HIVEP3: variants seen among roughly 807,000 people sequenced by gnomAD.
The protein encoded by HIVEP3 is HIVEP zinc finger 3.
Under a neutral mutation model 152.8 loss-of-function variants are expected in HIVEP3, and 49 were observed. That is an observed-to-expected ratio of 0.32 (90% CI 0.26 to 0.41). The LOEUF is 0.41. HIVEP3 is among the 10% of genes least tolerant of loss of function. The pLI is 1.00. For missense variants in HIVEP3, 2,790 were observed against 3,103.3 expected, an observed-to-expected ratio of 0.90 and a Z score of 2.40; for synonymous variants, 1,269 against 1,289.0, an observed-to-expected ratio of 0.98 and a Z score of 0.33.
At chr1:41,762,547 T>C (rs987052835) in intron 1 of HIVEP3, among the ~76,000 whole-genome samples, 1 of 152,136 alleles carries the variant, frequency 6.6e-6, no homozygotes, top group Non-Finnish European at 1.5e-5. Flanking sequence ...CCCGTTTGGG[T>C]GCCACCGCAT....
chr1:41,702,931 T>C lies in HIVEP3; in HGVS notation c.-800-1936A>G, dbSNP rs576883111. Among the ~76,000 whole-genome samples, 3 of 152,212 alleles carry C rather than the reference T, an allele frequency of 2.0e-5. No individual in the cohort carries two copies. In the South Asian group the frequency reaches 6.2e-4, roughly 32 times the overall value. Reference sequence around the variant, plus strand: ...CAGGCTGCAGGACTGCTAGGACCATTCATTCATTCATTCGTTTATTCATCA... The same window carrying C: ...CAGGCTGCAGGACTGCTAGGACCATCCATTCATTCATTCGTTTATTCATCA... On this transcript the variant is annotated intron_variant, in intron 1 of 8. Transcript: ENST00000372583.
At chr1:41,919,620 T>G (rs772523854), upstream of HIVEP3, among the ~76,000 whole-genome samples, 1 of 152,192 alleles carries the variant, frequency 6.6e-6, no homozygotes, top group East Asian at 1.9e-4. Flanking sequence ...CAAGATTTTG[T>G]TATTGAGTTC....
At chr1:41,550,671 CTGTT>C (rs1163797581) in intron 5 of HIVEP3, among the ~76,000 whole-genome samples, 1 of 152,114 alleles carries the variant, frequency 6.6e-6, no homozygotes, top group African/African-American at 2.4e-5. Context: ...ATTTGGCTCT[CTGTT>C]TGTCTGTTAT....
intron 1 of HIVEP3, among the ~76,000 whole-genome samples, chr1:41,991,614 T>C (rs1176580657): frequency 1.1e-4 from 16 of 150,582 alleles, no homozygotes; most frequent in Admixed American, 7.9e-4. Flanking sequence ...TTCCAATCAA[T>C]AGAAAAAGAG....
At chr1:41,926,548 G>A (rs1190048961) in intron 1 of HIVEP3, among the ~76,000 whole-genome samples, 10 of 152,124 alleles carry the variant, frequency 6.6e-5, no homozygotes, top group African/African-American at 1.7e-4. Context: ...TCAGTTTGTA[G>A]GGGAAGGAAA....
chr1:41,954,909 C>T (rs752892395), intron 1 of HIVEP3, among the ~76,000 whole-genome samples: 3 of 151,556 alleles, frequency 2.0e-5, no homozygotes, highest in African/African-American at 4.8e-5. Flanking sequence ...GAGTCACACT[C>T]GGTAAATGAT....
intron 2 of HIVEP3, among the ~76,000 whole-genome samples, chr1:41,667,991 T>A (rs979110318): frequency 1.3e-5 from 2 of 152,036 alleles, no homozygotes; most frequent in African/African-American, 4.8e-5. Context: ...CCTATAAACA[T>A]GAACACAAGG....
chr1:41,923,846 A>C (rs1159311398), upstream of HIVEP3, among the ~76,000 whole-genome samples: 1 of 152,218 alleles, frequency 6.6e-6, no homozygotes, highest in African/African-American at 2.4e-5. Flanking sequence ...AAATTCCACA[A>C]GGGAAAGATA....
chr1:41,588,528 G>A (rs1031484384), intron 3 of HIVEP3, among the ~76,000 whole-genome samples: 2 of 152,180 alleles, frequency 1.3e-5, no homozygotes, highest in African/African-American at 2.4e-5. Flanking sequence ...CCAGGTGGGA[G>A]GGGCAGGGTA....
intron 1 of HIVEP3, among the ~76,000 whole-genome samples, chr1:41,947,209 C>T (rs1570835000): frequency 6.6e-6 from 1 of 152,238 alleles, no homozygotes; most frequent in African/African-American, 2.4e-5. Context: ...TACCTGGACA[C>T]TCTTGTCCTT....
intron 3 of HIVEP3, among the ~76,000 whole-genome samples, chr1:41,618,195 G>A (rs1160799604): frequency 6.6e-6 from 1 of 152,222 alleles, no homozygotes; most frequent in African/African-American, 2.4e-5. Flanking sequence ...TCCGCTGCGG[G>A]ATGGTGCCAG....
intron 6 of HIVEP3, among the ~76,000 whole-genome samples, chr1:41,520,919 CCAA>C (rs1248507853): frequency 6.6e-6 from 1 of 152,164 alleles, no homozygotes; most frequent in Non-Finnish European, 1.5e-5. Context: ...GCTGCTTGAA[CCAA>C]CACAGTGAAT....
At chr1:41,893,841 TTA>T (rs1644487331) in intron 1 of HIVEP3, among the ~76,000 whole-genome samples, 1 of 147,274 alleles carries the variant, frequency 6.8e-6, no homozygotes, top group African/African-American at 2.5e-5. Flanking sequence ...ATAATATATA[TTA>T]TATATGAATA....
upstream of HIVEP3, among the ~76,000 whole-genome samples, chr1:41,921,938 C>T (rs540421323): frequency 1.6e-4 from 24 of 152,032 alleles, no homozygotes; most frequent in African/African-American, 5.6e-4. Flanking sequence ...CACACACACA[C>T]ACCACATGCA....
At position 41,740,172 on chromosome 1, in the gene HIVEP3, C is replaced by T. The variant is rs568597609; in HGVS notation, c.-800-39177G>A. 1.2e-4 allele frequency among the ~76,000 whole-genome samples: 19 copies of T among 152,334 alleles called. 1 individual carries two copies. Among genetic ancestry groups the T allele is most frequent in the Admixed American group, 3.3e-4 (5 of 15,294 alleles). On this transcript the variant is annotated intron_variant, in intron 1 of 8. Transcript: ENST00000372583. ...CCAGTGGACGGGATGAAGATGTGGG[C>T]GCTGGCAATGGTGTGGCCACTGCCT...
At chr1:41,998,745 T>C (rs1645409146) in intron 1 of HIVEP3, among the ~76,000 whole-genome samples, 1 of 152,178 alleles carries the variant, frequency 6.6e-6, no homozygotes, top group South Asian at 2.1e-4. Context: ...GGTTTGCTTA[T>C]GTCTTTTATA....
intron 1 of HIVEP3, among the ~76,000 whole-genome samples, chr1:41,862,182 A>T (rs1643895764): frequency 6.6e-6 from 1 of 152,176 alleles, no homozygotes; most frequent in Non-Finnish European, 1.5e-5. Flanking sequence ...CCTCATTTCA[A>T]AGGGGAGTTA....
chr1:41,691,197 A>G (rs760978643), intron 2 of HIVEP3, among the ~76,000 whole-genome samples: 2 of 152,268 alleles, frequency 1.3e-5, no homozygotes, highest in Non-Finnish European at 2.9e-5. Context: ...TCTAAAGAAT[A>G]TGGATTTTTA....
intron 2 of HIVEP3, among the ~76,000 whole-genome samples, chr1:41,684,429 G>T (rs902337139): frequency 6.6e-6 from 1 of 152,192 alleles, no homozygotes; most frequent in Admixed American, 6.5e-5. Flanking sequence ...GGTCTCCAGC[G>T]ACTCCCTGCT....
Sources: allele counts gnomAD v4.1 joint callset (sites outside exome capture counted in the v4.1 genomes callset), GRCh38; gene constraint gnomAD v4.1.1; transcripts MANE v1.5; gene names NCBI Gene and HGNC (gene_info 2026-07-23, HGNC 2026-07-21).